Variants in NRXN3 observed in about 807,000 individuals in gnomAD.
The protein encoded by NRXN3 is neurexin 3.
NRXN3 carries 32 observed loss-of-function variants against 137.6 expected under a neutral mutation model. The observed-to-expected ratio is 0.23, with a 90% CI of 0.18 to 0.31. The LOEUF (loss-of-function observed/expected upper bound fraction) is 0.31. Among genes scored for constraint, NRXN3 ranks in the 10% least tolerant of loss-of-function variants. The pLI, the probability that NRXN3 is intolerant of heterozygous loss-of-function variation, is 1.00. For synonymous variants in NRXN3, 798 were observed against 784.5 expected (o/e 1.02, Z -0.29); for missense variants, 1,574 against 2,062.5 (o/e 0.76, Z 4.59).
intron 4 of NRXN3, among the ~76,000 whole-genome samples, chr14:78,540,191 A>T (rs1208988493): frequency 6.6e-6 from 1 of 152,076 alleles, no homozygotes; most frequent in Non-Finnish European, 1.5e-5. Flanking sequence ...TGATTTGTCT[A>T]ATATTGGCAG....
At chr14:78,378,614 GAA>G (rs2088393155) in intron 4 of NRXN3, among the ~76,000 whole-genome samples, 1 of 151,610 alleles carries the variant, frequency 6.6e-6, no homozygotes, top group Non-Finnish European at 1.5e-5. Flanking sequence ...TAGAAAAGAG[GAA>G]AAGTCTCAAA....
chr14:78,493,304 C>T (rs564417170), intron 4 of NRXN3, among the ~76,000 whole-genome samples: 83 of 151,570 alleles, frequency 5.5e-4, no homozygotes, highest in African/African-American at 1.8e-3. Flanking sequence ...GGTGGATCAC[C>T]TGAAATCAGG....
intron 15 of NRXN3, among the ~76,000 whole-genome samples, chr14:79,403,935 A>C (rs2095260067): frequency 6.6e-6 from 1 of 152,204 alleles, no homozygotes; most frequent in Non-Finnish European, 1.5e-5. Context: ...TTCAAATCTT[A>C]ACCCAAACAA....
chr14:78,523,212 C>G (rs565724921), intron 4 of NRXN3, among the ~76,000 whole-genome samples: 1 of 152,230 alleles, frequency 6.6e-6, no homozygotes, highest in East Asian at 1.9e-4. Context: ...CAACAAATAC[C>G]ATTTGTGCCT....
At chr14:79,459,000 G>A (rs1187171350) in intron 15 of NRXN3, among the ~76,000 whole-genome samples, 2 of 151,624 alleles carry the variant, frequency 1.3e-5, no homozygotes, top group Non-Finnish European at 2.9e-5. Flanking sequence ...TTTAATTTTG[G>A]CCACATATTA....
At chr14:79,447,356 A>C (rs1439731314) in intron 15 of NRXN3, among the ~76,000 whole-genome samples, 1 of 152,258 alleles carries the variant, frequency 6.6e-6, no homozygotes, top group Non-Finnish European at 1.5e-5. Flanking sequence ...TTTGTAAAAA[A>C]AAATAAAATA....
intron 14 of NRXN3, among the ~76,000 whole-genome samples, chr14:78,983,792 G>C (rs1461942426): frequency 6.6e-6 from 1 of 150,408 alleles, no homozygotes; most frequent in Non-Finnish European, 1.5e-5. Context: ...AGGATGCAGA[G>C]GTTGCAGTGA....
At chr14:79,139,758 C>A (rs2058614338) in intron 15 of NRXN3, among the ~76,000 whole-genome samples, 1 of 151,920 alleles carries the variant, frequency 6.6e-6, no homozygotes, top group Admixed American at 6.6e-5. Context: ...AGACATAAAT[C>A]TGACTCACCT....
intron 16 of NRXN3, among the ~76,000 whole-genome samples, chr14:79,658,314 A>G (rs193094476): frequency 2.5e-3 from 376 of 152,306 alleles, no homozygotes; most frequent in Non-Finnish European, 4.1e-3. Context: ...TTTATGTTGC[A>G]GTGACAAAAG....
chr14:78,743,208 A>G (rs913076524), intron 8 of NRXN3, among the ~76,000 whole-genome samples: 2 of 152,188 alleles, frequency 1.3e-5, no homozygotes, highest in African/African-American at 4.8e-5. Context: ...ATTTTTTTGA[A>G]AAATATGTAA....
intron 15 of NRXN3, among the ~76,000 whole-genome samples, chr14:79,182,689 C>T (rs367555982): frequency 1.1e-4 from 16 of 152,302 alleles, no homozygotes; most frequent in African/African-American, 2.4e-4. Context: ...CCTTTGGCCA[C>T]GGGTTTGGAG....
intron 19 of NRXN3, among the ~76,000 whole-genome samples, chr14:79,740,062 A>G (rs1021328671): frequency 2.6e-5 from 4 of 152,028 alleles, no homozygotes; most frequent in Non-Finnish European, 5.9e-5. Context: ...CTTTACTAAA[A>G]CTGCCAACCT....
intron 4 of NRXN3, among the ~76,000 whole-genome samples, chr14:78,372,360 A>G (rs765657966): frequency 3.3e-5 from 5 of 150,862 alleles, no homozygotes; most frequent in African/African-American, 7.3e-5. Context: ...TGTTTGTCTG[A>G]TGGAGACTTG....
intron 15 of NRXN3, among the ~76,000 whole-genome samples, chr14:79,261,525 A>G (rs1307094224): frequency 1.3e-5 from 2 of 151,794 alleles, no homozygotes; most frequent in African/African-American, 2.4e-5. Flanking sequence ...AGTGCCTCAC[A>G]TAAGTAGGGA....
intron 15 of NRXN3, among the ~76,000 whole-genome samples, chr14:79,168,590 C>G (rs2061495463): frequency 6.6e-6 from 1 of 151,898 alleles, no homozygotes; most frequent in African/African-American, 2.4e-5. Flanking sequence ...ATAATATTCT[C>G]CCCCACAAGG....
chr14:79,643,551 C>A (rs2098441930), intron 16 of NRXN3, among the ~76,000 whole-genome samples: 1 of 135,178 alleles, frequency 7.4e-6, no homozygotes, highest in Non-Finnish European at 1.7e-5. Context: ...GTTTATATTT[C>A]TTAATACAAC....
intron 20 of NRXN3, among the ~76,000 whole-genome samples, chr14:79,824,210 T>G (rs991469602): frequency 6.6e-6 from 1 of 152,232 alleles, no homozygotes; most frequent in African/African-American, 2.4e-5. Context: ...CCTCTTCCTC[T>G]TCTGTCTCTC....
At chr14:79,030,635 C>CTTTTTTTTTTTTTTTTTTTTTTT in intron 15 of NRXN3, among the ~76,000 whole-genome samples, 1 of 54,236 alleles carries the variant, frequency 1.8e-5, no homozygotes, top group Non-Finnish European at 3.2e-5. Context: ...TTCTCTGTGT[C>CTTTTTTTTTTTTTTTTTTTTTTT]TTTTTTTTTT....
chr14:79,766,368 C>T (rs770299050), intron 19 of NRXN3, among the ~76,000 whole-genome samples: 32 of 152,036 alleles, frequency 2.1e-4, no homozygotes, highest in Non-Finnish European at 4.0e-4. Context: ...AAAGGTTGTC[C>T]GCATCTTATG....
Sources: allele counts gnomAD v4.1 joint callset (sites outside exome capture counted in the v4.1 genomes callset), GRCh38; gene constraint gnomAD v4.1.1; transcripts MANE v1.5; gene names NCBI Gene and HGNC (gene_info 2026-07-23, HGNC 2026-07-21).